The following MALRD1 variants were observed in gnomAD, a reference collection of about 807,000 sequenced individuals.
MALRD1 encodes the protein MAM and LDL-receptor class A domain-containing protein 1.
MALRD1 carries 247 observed loss-of-function variants against 242.1 expected under a neutral mutation model. The ratio of observed to expected loss-of-function variants is 1.02; its 90% CI spans 0.92 to 1.13. MALRD1 has a LOEUF of 1.13. Among genes scored for constraint, MALRD1 ranks in the 50% most tolerant of loss-of-function variants. The probability of loss-of-function intolerance (pLI) is 0.00; values close to 1 mark genes in which losing one functional copy is unlikely to be tolerated. For synonymous variants in MALRD1, 995 were observed against 866.6 expected (o/e 1.15, Z -2.60); for missense variants, 2,989 against 2,533.1 (o/e 1.18, Z -3.86).
intron 36 of MALRD1, among the ~76,000 whole-genome samples, chr10:19,658,241 C>T (rs1271237847): frequency 6.6e-6 from 1 of 152,168 alleles, no homozygotes; most frequent in Non-Finnish European, 1.5e-5. Flanking sequence ...TAAGTCTACA[C>T]ATCTTGCTTT....
At chr10:19,354,932 C>T (rs762099828) in intron 26 of MALRD1, among the ~76,000 whole-genome samples, 1 of 152,010 alleles carries the variant, frequency 6.6e-6, no homozygotes, top group Non-Finnish European at 1.5e-5. Flanking sequence ...GAAAAGTAAG[C>T]AGAAAAACGT....
rs1554801513 is a variant in MALRD1 at position 19,165,244 on chromosome 10, T to TATATATATATATATATATATAA, written c.1657-372_1657-371insAATATATATATATATATATATA. Among the ~76,000 whole-genome samples, 314 of 93,358 alleles carry TATATATATATATATATATATAA rather than the reference T, an allele frequency of 3.4e-3. 50 individuals are homozygous for TATATATATATATATATATATAA. In the East Asian group the frequency reaches 0.081, roughly 24 times the overall value. The allele number at this position is 93,358 out of a possible 152,430, so 61.2% of individuals were successfully genotyped here. On this transcript the variant is annotated intron_variant, in intron 12 of 39. Coordinates refer to ENST00000454679, the MANE Select transcript of MALRD1 (RefSeq NM_001142308.3). ...TATTTAACACAGAAGTTGTTTGGAATATATATATATATATATATATATTTT... is the reference window on the plus strand; with the variant it reads ...TATTTAACACAGAAGTTGTTTGGAATATATATATATATATATATATAAATATATATATATATATATATATTTT...
intron 28 of MALRD1, among the ~76,000 whole-genome samples, chr10:19,436,701 T>C (rs539262166): frequency 4.6e-5 from 7 of 152,290 alleles, no homozygotes; most frequent in African/African-American, 1.7e-4. Flanking sequence ...TTTTCATACA[T>C]TTGTAATACA....
intron 18 of MALRD1, among the ~76,000 whole-genome samples, chr10:19,240,891 C>G (rs887121097): frequency 1.3e-5 from 2 of 152,092 alleles, no homozygotes; most frequent in Non-Finnish European, 2.9e-5. Context: ...GTTAAGCCAT[C>G]CTTTCATCCC....
At chr10:19,468,904 T>G (rs7090914) in intron 29 of MALRD1, among the ~76,000 whole-genome samples, 131,032 of 152,034 alleles carry the variant, frequency 0.86, 56,629 homozygotes, top group East Asian at 1. Context: ...CCTTTCAGTT[T>G]TCTTTATGTC....
At chr10:19,454,470 A>C (rs1038310539) in intron 29 of MALRD1, among the ~76,000 whole-genome samples, 3 of 140,972 alleles carry the variant, frequency 2.1e-5, no homozygotes, top group Non-Finnish European at 3.1e-5. Context: ...ATATATATCT[A>C]TATATAATGG....
At chr10:19,252,648 T>A (rs1223452021) in intron 18 of MALRD1, among the ~76,000 whole-genome samples, 1 of 152,096 alleles carries the variant, frequency 6.6e-6, no homozygotes, top group Non-Finnish European at 1.5e-5. Flanking sequence ...TCTCTACTAT[T>A]ACCACAATGT....
chr10:19,619,511 G>A (rs1463581299), intron 36 of MALRD1, among the ~76,000 whole-genome samples: 1 of 151,710 alleles, frequency 6.6e-6, no homozygotes, highest in Admixed American at 6.6e-5. Context: ...AACAATTATG[G>A]TCATTGAAAA....
intron 26 of MALRD1, among the ~76,000 whole-genome samples, chr10:19,379,358 A>G (rs1845741738): frequency 6.6e-6 from 1 of 151,456 alleles, no homozygotes; most frequent in South Asian, 2.1e-4. Flanking sequence ...ATTTGCTTTT[A>G]TTTTTCTAGC....
chr10:19,331,909 A>G (rs1003446327), intron 24 of MALRD1, among the ~76,000 whole-genome samples: 1 of 152,186 alleles, frequency 6.6e-6, no homozygotes, highest in Non-Finnish European at 1.5e-5. Flanking sequence ...ACTCTGTTGC[A>G]GGATGGAGTG....
intron 2 of MALRD1, among the ~76,000 whole-genome samples, chr10:19,072,802 T>C (rs1445712763): frequency 6.6e-6 from 1 of 152,192 alleles, no homozygotes; most frequent in African/African-American, 2.4e-5. Flanking sequence ...TTTTTTATAG[T>C]AGTCAATCCT....
chr10:19,654,495 A>T (rs188596455), intron 36 of MALRD1, among the ~76,000 whole-genome samples: 30 of 152,306 alleles, frequency 2.0e-4, no homozygotes, highest in Middle Eastern at 3.4e-3. Flanking sequence ...ACATAGATGA[A>T]TCCAAAAGGA....
chr10:19,491,692 TC>T, intron 30 of MALRD1, 47 bp downstream of exon 30: 1 of 1,530,312 alleles, frequency 6.5e-7, no homozygotes, highest in Non-Finnish European at 8.8e-7. Flanking sequence ...GCAGATATTT[TC>T]CTTCATAAGT....
chr10:19,450,726 G>T (rs1457209001), intron 29 of MALRD1, among the ~76,000 whole-genome samples: 1 of 152,184 alleles, frequency 6.6e-6, no homozygotes, highest in African/African-American at 2.4e-5. Flanking sequence ...ATAAACAACA[G>T]AAATTTTTTT....
chr10:19,555,263 C>G (rs1240294665), intron 32 of MALRD1, among the ~76,000 whole-genome samples: 1 of 152,098 alleles, frequency 6.6e-6, no homozygotes, highest in African/African-American at 2.4e-5. Flanking sequence ...ACACCTCCTA[C>G]CAGGCTCACC....
At chr10:19,526,441 C>G (rs1834104861) in intron 31 of MALRD1, among the ~76,000 whole-genome samples, 1 of 151,396 alleles carries the variant, frequency 6.6e-6, no homozygotes, top group Non-Finnish European at 1.5e-5. Flanking sequence ...GCTAGAGTTT[C>G]AGAATTAAAA....
chr10:19,125,586 T>C (rs1281409736), intron 7 of MALRD1, among the ~76,000 whole-genome samples: 2 of 151,534 alleles, frequency 1.3e-5, no homozygotes, highest in Non-Finnish European at 1.5e-5. Context: ...TTTTTATTTT[T>C]ATTTTTTTCA....
chr10:19,080,485 T>A (rs1315309291), intron 2 of MALRD1, among the ~76,000 whole-genome samples: 1 of 152,046 alleles, frequency 6.6e-6, no homozygotes, highest in African/African-American at 2.4e-5. Flanking sequence ...CCATCTGAAC[T>A]TTGACAAACC....
At chr10:19,684,885 T>C (rs1402911536) in intron 36 of MALRD1, among the ~76,000 whole-genome samples, 1 of 152,204 alleles carries the variant, frequency 6.6e-6, no homozygotes, top group Non-Finnish European at 1.5e-5. Context: ...TTCCACATCC[T>C]TTAAAACTAC....
Sources: gnomAD v4.1 joint callset for allele counts (sites outside exome capture counted in the v4.1 genomes callset) on GRCh38, gnomAD v4.1.1 for gene constraint, MANE v1.5 for transcripts, NCBI Gene and HGNC (gene_info 2026-07-23, HGNC 2026-07-21) for gene names.